Variants in STX8 observed in about 807,000 individuals in gnomAD.
STX8 encodes syntaxin-8.
STX8 carries 23 observed loss-of-function variants against 37.5 expected under a neutral mutation model. The observed-to-expected ratio is 0.61, with a 90% CI of 0.44 to 0.87. The LOEUF is 0.87. Among genes scored for constraint, STX8 ranks in the 40% least tolerant of loss-of-function variants. The probability of loss-of-function intolerance (pLI) is 0.00; values close to 1 mark genes in which losing one functional copy is unlikely to be tolerated. For synonymous variants in STX8, 115 were observed against 99.1 expected (o/e 1.16, Z -0.95); for missense variants, 313 against 284.7 (o/e 1.10, Z -0.71).
chr17:9,396,330 A>AG (rs112277667), intron 6 of STX8, among the ~76,000 whole-genome samples: 2,242 of 134,890 alleles, frequency 0.017, 62 homozygotes, highest in African/African-American at 0.059. Flanking sequence ...TTTGGGAGAA[A>AG]GGGGGGAGTG....
At chr17:9,376,940 G>A (rs1911612016) in intron 7 of STX8, among the ~76,000 whole-genome samples, 1 of 152,214 alleles carries the variant, frequency 6.6e-6, no homozygotes, top group Admixed American at 6.5e-5. Context: ...GTGGCCAGAA[G>A]TTATGGGAGA....
intron 7 of STX8, among the ~76,000 whole-genome samples, chr17:9,263,473 C>G (rs1024291247): frequency 5.3e-5 from 8 of 152,190 alleles, no homozygotes; most frequent in African/African-American, 1.9e-4. Context: ...GAATGAAACT[C>G]CGTCTCATAT....
intron 4 of STX8, among the ~76,000 whole-genome samples, 165 bp from the exon 5 acceptor site, chr17:9,505,327 C>A (rs2305923): frequency 0.71 from 108,301 of 152,026 alleles, 38,828 homozygotes; most frequent in Middle Eastern, 0.85. Context: ...CAGTGCTGGA[C>A]GAGATACAAG....
chr17:9,532,978 A>C lies in STX8; in HGVS notation c.323+12194T>G, dbSNP rs1905877550. ...TTCCAAATTTTTTTTATCAGTTCCT[A>C]CTTCAAATACTCCCTTTGTCATTCT... On this transcript the variant is annotated intron_variant, in intron 4 of 7. Transcript: ENST00000306357. Among the ~76,000 whole-genome samples, 4 of 152,356 alleles carry C rather than the reference A, an allele frequency of 2.6e-5. No individual in the cohort carries two copies. The South Asian group carries it at 6.2e-4, about 24-fold the overall frequency.
At chr17:9,436,111 C>T (rs1904420817) in intron 6 of STX8, among the ~76,000 whole-genome samples, 2 of 151,686 alleles carry the variant, frequency 1.3e-5, no homozygotes, top group Admixed American at 6.6e-5. Flanking sequence ...GGCTGGGCGC[C>T]GTGGCTCACG....
At chr17:9,457,558 C>T (rs1012257114) in intron 6 of STX8, among the ~76,000 whole-genome samples, 4 of 152,238 alleles carry the variant, frequency 2.6e-5, no homozygotes, top group Admixed American at 6.5e-5. Flanking sequence ...TCTCTGGCCA[C>T]GTAAAGTAAC....
chr17:9,400,309 G>T (rs559830550), intron 6 of STX8, among the ~76,000 whole-genome samples: 2 of 151,900 alleles, frequency 1.3e-5, no homozygotes, highest in South Asian at 2.1e-4. Context: ...CACCGTGTTA[G>T]CCAGGATGGT....
chr17:9,274,960 A>G (rs1211591984), intron 7 of STX8, among the ~76,000 whole-genome samples: 1 of 151,724 alleles, frequency 6.6e-6, no homozygotes, highest in South Asian at 2.1e-4. Flanking sequence ...CATGTTGGCC[A>G]AGCTGGTCTC....
At chr17:9,509,768 C>T (rs4791848) in intron 4 of STX8, among the ~76,000 whole-genome samples, 24,970 of 151,382 alleles carry the variant, frequency 0.16, 2,183 homozygotes, top group South Asian at 0.24. Flanking sequence ...AAGTCCTCAC[C>T]TATTAATAAT....
chr17:9,532,445 C>G (rs922815716), intron 4 of STX8, among the ~76,000 whole-genome samples: 3 of 151,822 alleles, frequency 2.0e-5, no homozygotes, highest in Non-Finnish European at 2.9e-5. Flanking sequence ...GGGATATGGG[C>G]CCGTGCATGT....
At chr17:9,299,179 ACACT>A (rs1443786213) in intron 7 of STX8, among the ~76,000 whole-genome samples, 5 of 152,214 alleles carry the variant, frequency 3.3e-5, no homozygotes, top group Admixed American at 6.5e-5. Context: ...TCTCCAACAC[ACACT>A]CACGCAGGCA....
intron 7 of STX8, among the ~76,000 whole-genome samples, chr17:9,265,548 A>G (rs1373020734): frequency 6.6e-6 from 1 of 152,260 alleles, no homozygotes; most frequent in African/African-American, 2.4e-5. Context: ...CACTTTGTAT[A>G]CATTATATAC....
intron 7 of STX8, among the ~76,000 whole-genome samples, chr17:9,253,568 G>A (rs577705314): frequency 6.6e-6 from 1 of 152,200 alleles, no homozygotes; most frequent in Admixed American, 6.5e-5. Context: ...GGGGCGAAGG[G>A]GCAATCCCTG....
chr17:9,457,781 G>T (rs1905223518), intron 6 of STX8, among the ~76,000 whole-genome samples: 1 of 152,208 alleles, frequency 6.6e-6, no homozygotes, highest in African/African-American at 2.4e-5. Flanking sequence ...CCTCTTTCTG[G>T]TCTCTTTCTT....
intron 7 of STX8, among the ~76,000 whole-genome samples, chr17:9,335,623 TTTTG>T (rs10618127): frequency 0.83 from 125,674 of 151,908 alleles, 52,497 homozygotes; most frequent in East Asian, 0.93. Flanking sequence ...TGAATTTTTA[TTTTG>T]TTTATTGTTC....
At chr17:9,474,329 T>C (rs746893903) in intron 6 of STX8, among the ~76,000 whole-genome samples, 5 of 152,172 alleles carry the variant, frequency 3.3e-5, no homozygotes, top group Non-Finnish European at 7.3e-5. Flanking sequence ...TGAGTCATTC[T>C]AGTAAGTTAT....
At chr17:9,408,764 G>C (rs1302184820) in intron 6 of STX8, among the ~76,000 whole-genome samples, 1 of 152,142 alleles carries the variant, frequency 6.6e-6, no homozygotes, top group Non-Finnish European at 1.5e-5. Flanking sequence ...CTGGATTTCA[G>C]GAAGACATGT....
chr17:9,451,914 G>C (rs576223400), intron 6 of STX8, among the ~76,000 whole-genome samples: 1 of 152,216 alleles, frequency 6.6e-6, no homozygotes, highest in South Asian at 2.1e-4. Flanking sequence ...AATTTGAGCT[G>C]CATCTGATTT....
At chr17:9,351,700 C>A (rs1910711842) in intron 7 of STX8, among the ~76,000 whole-genome samples, 1 of 152,050 alleles carries the variant, frequency 6.6e-6, no homozygotes, top group South Asian at 2.1e-4. Flanking sequence ...TTCCTTTAAT[C>A]TACAATTCTT....
Sources: gnomAD v4.1 joint callset for allele counts (sites outside exome capture counted in the v4.1 genomes callset) on GRCh38, gnomAD v4.1.1 for gene constraint, MANE v1.5 for transcripts, NCBI Gene and HGNC (gene_info 2026-07-23, HGNC 2026-07-21) for gene names.